The following SPATA13 variants were observed in gnomAD, a reference collection of about 807,000 sequenced individuals.
SPATA13 encodes the protein spermatogenesis associated 13.
Under a neutral mutation model 104.0 loss-of-function variants are expected in SPATA13, and 50 were observed. The ratio of observed to expected loss-of-function variants is 0.48; its 90% CI spans 0.38 to 0.61. SPATA13 has a LOEUF of 0.61. SPATA13 is among the 20% of genes least tolerant of loss of function. The pLI, the probability that SPATA13 is intolerant of heterozygous loss-of-function variation, is 0.00. For missense variants in SPATA13, 1,524 were observed against 1,690.6 expected (o/e 0.90, Z 1.73); for synonymous variants, 606 against 667.5 (o/e 0.91, Z 1.42).
In SPATA13 at chr13:24,173,506, C is replaced by T. The variant is rs192322886; in HGVS notation, c.-112+12574C>T. On this transcript the variant is annotated intron_variant, in intron 1 of 12. Transcript: ENST00000382108. The stretch of plus-strand genomic sequence containing the variant: ...ATACGCCTTTTATTCCCCCCCGTCC[C>T]CCAACTTTTTTTTTTTTTTGGCCTT... 6.3e-4 allele frequency among the ~76,000 whole-genome samples: 91 copies of T among 144,034 alleles called. 1 individual carries two copies. The highest frequency in any genetic ancestry group is 1.3e-3 in the South Asian group (6 of 4,470). 94.5% of individuals were successfully genotyped at this position (144,034 alleles called of 152,430 possible).
chr13:24,156,294 G>C (rs969059971), upstream of SPATA13, among the ~76,000 whole-genome samples: 2 of 152,140 alleles, frequency 1.3e-5, no homozygotes, highest in African/African-American at 4.8e-5. Flanking sequence ...GACAGCGTGA[G>C]ACCGTTTATT....
chr13:23,992,808 A>G (rs371123785), intron 2 of SPATA13, among the ~76,000 whole-genome samples: 2 of 152,196 alleles, frequency 1.3e-5, no homozygotes, highest in African/African-American at 2.4e-5. Context: ...TGGCTCCACA[A>G]TGCTGGGAAA....
chr13:24,107,322 A>G (rs1208960285), intron 3 of SPATA13, among the ~76,000 whole-genome samples: 1 of 143,040 alleles, frequency 7.0e-6, no homozygotes, highest in Non-Finnish European at 1.5e-5. Context: ...AAAATGCTGT[A>G]TGTATGCAGG....
chr13:23,993,895 A>G (rs990425881), intron 2 of SPATA13, among the ~76,000 whole-genome samples: 8 of 151,172 alleles, frequency 5.3e-5, no homozygotes, highest in Non-Finnish European at 1.2e-4. Flanking sequence ...TGTTCAAGGT[A>G]TGTGTGAGGG....
At chr13:24,094,455 C>T (rs1399874657) in intron 3 of SPATA13, among the ~76,000 whole-genome samples, 2 of 152,222 alleles carry the variant, frequency 1.3e-5, no homozygotes, top group East Asian at 1.9e-4. Flanking sequence ...TGCCAGCACA[C>T]AGCAGGGCAA....
intron 4 of SPATA13, among the ~76,000 whole-genome samples, chr13:24,280,788 T>C (rs1875444878): frequency 6.6e-6 from 1 of 152,104 alleles, no homozygotes; most frequent in African/African-American, 2.4e-5. Flanking sequence ...AAAAAAATGA[T>C]GTGCTTCCTC....
At chr13:24,284,759 G>T (rs1042921726) in intron 5 of SPATA13, among the ~76,000 whole-genome samples, 2 of 152,158 alleles carry the variant, frequency 1.3e-5, no homozygotes, top group Non-Finnish European at 2.9e-5. Flanking sequence ...GTCTTTTTAG[G>T]TAAGGAACAG....
rs574177176 is a variant in SPATA13 at position 23,982,233 on chromosome 13, A to G, written c.-353-1494A>G. 2.7e-3 allele frequency among the ~76,000 whole-genome samples: 405 copies of G among 152,340 alleles called. 1 individual carries two copies. Among genetic ancestry groups the G allele is most frequent in the Middle Eastern group, 6.8e-3 (2 of 294 alleles). ...TAGAGAGGTCATAGGAAAAATTTCT[A>G]CCTAGAAAGTTCAGGTATGGACCTG... On this transcript the variant is annotated intron_variant, in intron 1 of 14. Transcript: ENST00000424834.
intron 3 of SPATA13, among the ~76,000 whole-genome samples, chr13:24,064,842 T>C (rs1878894210): frequency 6.6e-6 from 1 of 152,136 alleles, no homozygotes; most frequent in Non-Finnish European, 1.5e-5. Flanking sequence ...GTGGGGTAGG[T>C]ATTTTTTTCA....
intron 3 of SPATA13, among the ~76,000 whole-genome samples, chr13:24,074,376 T>G (rs1022324278): frequency 9.2e-5 from 14 of 152,348 alleles, no homozygotes; most frequent in African/African-American, 3.4e-4. Flanking sequence ...GTTGTATGAA[T>G]AGACCACATT....
In SPATA13 at chr13:24,224,497, A is replaced by G. The variant is rs754470685; in HGVS notation, c.1568A>G (p.Glu523Gly). 2.7e-5 allele frequency: 42 copies of G among 1,550,306 alleles called. No individual in the cohort carries two copies. In the South Asian group the frequency reaches 4.5e-4, roughly 17 times the overall value. ...CCTGTGTCCTTGCAGGATCCCCTGG[A>G]AGCCACACATGGTGATGAGGGCAGC... ...PGPVSLQDPL[E>G]ATHGDEGSKD... Residue 523 changes from glutamate (E) to glycine (G), a missense_variant, in exon 2 of 13, where the codon GAA becomes GGA. This residue lies in a region of SPATA13 where 1,089 missense variants were observed against 1,135.9 expected (regional missense o/e 0.96). Transcript: ENST00000382108.
At chr13:23,999,926 G>C (rs897165043) in intron 2 of SPATA13, among the ~76,000 whole-genome samples, 3 of 152,188 alleles carry the variant, frequency 2.0e-5, no homozygotes, top group African/African-American at 7.2e-5. Context: ...TACCTGAATT[G>C]CAGCAAAGCT....
Position 24,038,328 on chromosome 13 carries a change from G to A in SPATA13, c.-112+20627G>A, listed in dbSNP as rs535679906. ...CATCTATAAAAGCAAATCCTTCCTC[G>A]ATTGTGCCAGGGGGCTTTAGTTCCC... On this transcript the variant is annotated intron_variant, in intron 3 of 14. Transcript: ENST00000424834. Among the ~76,000 whole-genome samples, 5 of 150,334 alleles carry A rather than the reference G, an allele frequency of 3.3e-5. 1 individual carries two copies. The South Asian group carries it at 8.4e-4, about 25-fold the overall frequency.
intron 3 of SPATA13, among the ~76,000 whole-genome samples, chr13:24,044,747 G>A (rs1029905290): frequency 7.9e-5 from 12 of 152,184 alleles, no homozygotes; most frequent in Non-Finnish European, 5.9e-5. Context: ...CATTTGCAAT[G>A]TGGATGAACC....
intron 3 of SPATA13, among the ~76,000 whole-genome samples, chr13:24,018,718 G>T (rs9510997): frequency 0.82 from 124,660 of 152,120 alleles, 51,397 homozygotes; most frequent in Middle Eastern, 0.86. Context: ...TTTGCTATTT[G>T]TCCTGTGTTT....
intron 3 of SPATA13, among the ~76,000 whole-genome samples, chr13:24,110,526 A>C (rs1880605357): frequency 6.6e-6 from 1 of 152,204 alleles, no homozygotes; most frequent in Admixed American, 6.5e-5. Flanking sequence ...ATCAGCCCCC[A>C]GTCTAAGCCT....
chr13:24,276,598 A>G (rs1221565586), intron 4 of SPATA13, among the ~76,000 whole-genome samples: 7 of 152,154 alleles, frequency 4.6e-5, no homozygotes, highest in Non-Finnish European at 8.8e-5. Flanking sequence ...GACACTGCTG[A>G]ACTGGAACTG....
At chr13:24,227,021 A>C (rs1871983089) in intron 2 of SPATA13, among the ~76,000 whole-genome samples, 1 of 152,186 alleles carries the variant, frequency 6.6e-6, no homozygotes, top group African/African-American at 2.4e-5. Context: ...GAGCCTGTGG[A>C]GCAGTTGTAA....
chr13:24,278,537 C>A, intron 4 of SPATA13: 1 of 1,060,740 alleles, frequency 9.4e-7, no homozygotes, highest in Non-Finnish European at 1.3e-6. Flanking sequence ...CTCAGTCTTC[C>A]AAAGTGCTGG....
Sources: allele counts gnomAD v4.1 joint callset (sites outside exome capture counted in the v4.1 genomes callset), GRCh38; gene constraint gnomAD v4.1.1; regional missense constraint gnomAD v4.1.1; transcripts MANE v1.5; gene names NCBI Gene and HGNC (gene_info 2026-07-23, HGNC 2026-07-21).